LARGE1: variants seen among roughly 807,000 people sequenced by gnomAD.
LARGE1 encodes the protein xylosyl- and glucuronyltransferase LARGE1.
In LARGE1, 43 loss-of-function variants were observed where a neutral mutation model predicts 87.6. That is an observed-to-expected ratio of 0.49 (90% CI 0.38 to 0.63). LARGE1 has a LOEUF of 0.63. Among genes scored for constraint, LARGE1 ranks in the 30% least tolerant of loss-of-function variants. LARGE1 has a pLI of 0.00. For missense variants in LARGE1, 802 were observed against 1,000.2 expected, an observed-to-expected ratio of 0.80 and a Z score of 2.67; for synonymous variants, 434 against 394.6, an observed-to-expected ratio of 1.10 and a Z score of -1.18.
At chr22:33,469,694 G>A (rs5754569) in intron 6 of LARGE1, among the ~76,000 whole-genome samples, 27,704 of 151,322 alleles carry the variant, frequency 0.18, 2,709 homozygotes, top group East Asian at 0.28. Context: ...TAGGCATGGG[G>A]GCATGCACCT....
chr22:33,773,783 C>A (rs1366830163), intron 1 of LARGE1, among the ~76,000 whole-genome samples: 1 of 152,172 alleles, frequency 6.6e-6, no homozygotes, highest in African/African-American at 2.4e-5. Flanking sequence ...ATCAGGCACT[C>A]GTGGTTGTTG....
intron 11 of LARGE1, among the ~76,000 whole-genome samples, chr22:33,262,425 C>A (rs544662326): frequency 1.3e-5 from 2 of 152,204 alleles, no homozygotes; most frequent in African/African-American, 4.8e-5. Context: ...GGGCCTCCTG[C>A]AGCCAGGGGA....
chr22:33,077,253 T>G, the LARGE1 span, among the ~76,000 whole-genome samples: 1 of 152,194 alleles, frequency 6.6e-6, no homozygotes, highest in Non-Finnish European at 1.5e-5. Flanking sequence ...CATACTAATT[T>G]ACTAATTACT....
At chr22:33,560,718 C>A (rs1444777908) in intron 6 of LARGE1, among the ~76,000 whole-genome samples, 6 of 152,108 alleles carry the variant, frequency 3.9e-5, no homozygotes, top group Admixed American at 3.9e-4. Context: ...GGACAGAGCA[C>A]AGACTCCAAA....
At chr22:33,633,823 G>A (rs980537470) in intron 3 of LARGE1, among the ~76,000 whole-genome samples, 1 of 152,226 alleles carries the variant, frequency 6.6e-6, no homozygotes, top group Non-Finnish European at 1.5e-5. Context: ...CAGATGCTCT[G>A]ACAGCTGCGG....
At chr22:33,387,527 G>T (rs1460706660) in intron 7 of LARGE1, among the ~76,000 whole-genome samples, 1 of 139,342 alleles carries the variant, frequency 7.2e-6, no homozygotes, top group Non-Finnish European at 1.5e-5. Flanking sequence ...TTAAAAAATG[G>T]GGGGGGGGAT....
At chr22:33,477,814 C>T (rs1206840186) in intron 6 of LARGE1, among the ~76,000 whole-genome samples, 1 of 152,178 alleles carries the variant, frequency 6.6e-6, no homozygotes, top group Non-Finnish European at 1.5e-5. Flanking sequence ...AATTCCATTT[C>T]ATTGCAGTAA....
chr22:33,204,462 A>C lies in LARGE1; in HGVS notation c.1731-37630T>G, dbSNP rs574098129. On this transcript the variant is annotated intron_variant, in intron 11 of 11. Transcript: ENST00000608642. ...TGAAAACGTCTCATTTAATGGACTT[A>C]TCAGCTTCCCAATCTCAATATCTTC... Among the ~76,000 whole-genome samples, 28 of 152,280 alleles carry C rather than the reference A, an allele frequency of 1.8e-4. No individual in the cohort carries two copies. The South Asian group carries it at 5.6e-3, about 30-fold the overall frequency.
chr22:33,770,031 T>C (rs776474623), intron 1 of LARGE1, among the ~76,000 whole-genome samples: 3 of 152,216 alleles, frequency 2.0e-5, no homozygotes, highest in Non-Finnish European at 4.4e-5. Context: ...AAAAATAATC[T>C]GTATGGAAAA....
chr22:33,907,166 C>A (rs2065478755), intron 1 of LARGE1, among the ~76,000 whole-genome samples: 1 of 152,124 alleles, frequency 6.6e-6, no homozygotes. Flanking sequence ...TCACACAAAC[C>A]TTCTGATAAG....
At chr22:33,347,290 T>C (rs923272927) in intron 9 of LARGE1, among the ~76,000 whole-genome samples, 1 of 152,242 alleles carries the variant, frequency 6.6e-6, no homozygotes, top group African/African-American at 2.4e-5. Flanking sequence ...CCTGGCAGCA[T>C]TGGGATGTGA....
At chr22:33,634,118 G>C (rs941977779) in intron 3 of LARGE1, among the ~76,000 whole-genome samples, 1 of 152,198 alleles carries the variant, frequency 6.6e-6, no homozygotes, top group Non-Finnish European at 1.5e-5. Flanking sequence ...TTTCCTGAAT[G>C]AATAAACAGC....
chr22:33,211,656 C>T (rs1924968345), intron 11 of LARGE1, among the ~76,000 whole-genome samples: 2 of 152,098 alleles, frequency 1.3e-5, no homozygotes, highest in Non-Finnish European at 2.9e-5. Flanking sequence ...ACCTGTAGTC[C>T]CAGCTACTCG....
At chr22:33,773,564 G>A (rs1036175684) in intron 1 of LARGE1, among the ~76,000 whole-genome samples, 2 of 152,150 alleles carry the variant, frequency 1.3e-5, no homozygotes, top group African/African-American at 4.8e-5. Context: ...GTTGTCACCC[G>A]AATTGTGCCC....
At chr22:33,391,831 G>A (rs1173643596) in intron 7 of LARGE1, among the ~76,000 whole-genome samples, 2 of 145,040 alleles carry the variant, frequency 1.4e-5, no homozygotes, top group African/African-American at 2.6e-5. Context: ...GTGCAATGGC[G>A]TGATCTCGGC....
intron 1 of LARGE1, among the ~76,000 whole-genome samples, chr22:33,779,978 C>T (rs2085367468): frequency 7.5e-6 from 1 of 133,558 alleles, no homozygotes; most frequent in Non-Finnish European, 1.7e-5. Context: ...ACTTGTCTCA[C>T]AGTTCTGTGG....
intron 1 of LARGE1, among the ~76,000 whole-genome samples, chr22:33,814,347 G>C (rs2146201039): frequency 6.6e-6 from 1 of 152,170 alleles, no homozygotes; most frequent in South Asian, 2.1e-4. Flanking sequence ...CAAATACTTT[G>C]GTTCCTGACA....
intron 11 of LARGE1, among the ~76,000 whole-genome samples, chr22:33,215,722 C>T (rs963561104): frequency 2.0e-4 from 31 of 152,052 alleles, no homozygotes; most frequent in African/African-American, 4.8e-4. Context: ...TTTGGGAGGC[C>T]GAGACAAGTG....
At chr22:33,105,158 C>T in the LARGE1 span, among the ~76,000 whole-genome samples, 1 of 146,314 alleles carries the variant, frequency 6.8e-6, no homozygotes, top group African/African-American at 2.4e-5. Flanking sequence ...CCACCAAGCC[C>T]CGCTATTTTT....
Sources: gnomAD v4.1 joint callset for allele counts (sites outside exome capture counted in the v4.1 genomes callset) on GRCh38, gnomAD v4.1.1 for gene constraint, MANE v1.5 for transcripts, NCBI Gene and HGNC (gene_info 2026-07-23, HGNC 2026-07-21) for gene names.